The following CNIH3 variants were observed in gnomAD, a reference collection of about 807,000 sequenced individuals.
CNIH3 encodes the protein protein cornichon homolog 3.
A neutral mutation model predicts 24.1 loss-of-function variants in CNIH3; 14 were observed. That is an observed-to-expected ratio of 0.58 (90% CI 0.38 to 0.91). The LOEUF (loss-of-function observed/expected upper bound fraction) is 0.91. CNIH3 is among the 40% of genes least tolerant of loss of function. The probability of loss-of-function intolerance (pLI) is 0.00; values close to 1 mark genes in which losing one functional copy is unlikely to be tolerated. For missense variants in CNIH3, 178 were observed against 196.8 expected, an observed-to-expected ratio of 0.90 and a Z score of 0.57; for synonymous variants, 68 against 73.8, an observed-to-expected ratio of 0.92 and a Z score of 0.40.
chr1:224,551,671 G>C (rs112319499), intron 3 of CNIH3, among the ~76,000 whole-genome samples: 1 of 152,078 alleles, frequency 6.6e-6, no homozygotes, highest in Non-Finnish European at 1.5e-5. Flanking sequence ...ATATCACAGT[G>C]TGTACACCCT....
chr1:224,583,950 CTGGACCA>C (rs1464320438), intron 5 of CNIH3, among the ~76,000 whole-genome samples: 1 of 152,188 alleles, frequency 6.6e-6, no homozygotes, highest in African/African-American at 2.4e-5. Context: ...ATGTGATGTT[CTGGACCA>C]TACCCCACTT....
intron 1 of CNIH3, among the ~76,000 whole-genome samples, chr1:224,479,544 G>A (rs1407456280): frequency 2.6e-5 from 4 of 152,198 alleles, no homozygotes; most frequent in African/African-American, 9.7e-5. Context: ...TTCCACCTAT[G>A]AGCCTGTTAA....
At chr1:224,613,085 CCT>C (rs1180508620), upstream of CNIH3, among the ~76,000 whole-genome samples, 6 of 152,218 alleles carry the variant, frequency 3.9e-5, no homozygotes, top group African/African-American at 1.4e-4. Flanking sequence ...TGTGCCTTGA[CCT>C]CTTGGGCTCA....
intron 3 of CNIH3, among the ~76,000 whole-genome samples, chr1:224,557,612 A>G (rs1270551238): frequency 1.3e-5 from 2 of 152,122 alleles, no homozygotes; most frequent in East Asian, 3.9e-4. Flanking sequence ...ACGTGCCACC[A>G]TGCCCAGCTA....
At chr1:224,658,147 A>G (rs1009477898) in intron 1 of CNIH3, among the ~76,000 whole-genome samples, 2 of 152,182 alleles carry the variant, frequency 1.3e-5, no homozygotes, top group African/African-American at 4.8e-5. Flanking sequence ...GTTTGTGGTC[A>G]AAAAGACTGA....
At chr1:224,449,680 T>C (rs999429634) in intron 1 of CNIH3, among the ~76,000 whole-genome samples, 1 of 152,148 alleles carries the variant, frequency 6.6e-6, no homozygotes, top group Non-Finnish European at 1.5e-5. Context: ...TTATAAAGCA[T>C]GAAACCATTA....
intron 1 of CNIH3, among the ~76,000 whole-genome samples, chr1:224,453,078 G>A (rs1019519284): frequency 6.6e-6 from 1 of 151,492 alleles, no homozygotes. Flanking sequence ...CTGAGATCAC[G>A]CCATTGCACT....
chr1:224,452,240 C>A, intron 1 of CNIH3, among the ~76,000 whole-genome samples: 1 of 151,240 alleles, frequency 6.6e-6, no homozygotes, highest in East Asian at 2.0e-4. Context: ...ACCTTCGCCT[C>A]CCGGGTTCAA....
intron 2 of CNIH3, among the ~76,000 whole-genome samples, chr1:224,535,002 A>G (rs963813610): frequency 6.6e-6 from 1 of 152,160 alleles, no homozygotes; most frequent in Non-Finnish European, 1.5e-5. Flanking sequence ...CTACCGGCCT[A>G]TATTTCCACA....
At chr1:224,689,615 C>T (rs1375239644) in intron 3 of CNIH3, among the ~76,000 whole-genome samples, 1 of 152,150 alleles carries the variant, frequency 6.6e-6, no homozygotes, top group East Asian at 1.9e-4. Flanking sequence ...TAGTTAGCAG[C>T]ACCACCTTCT....
intron 3 of CNIH3, among the ~76,000 whole-genome samples, chr1:224,694,952 G>A (rs759130276): frequency 2.6e-5 from 4 of 152,004 alleles, no homozygotes; most frequent in Non-Finnish European, 5.9e-5. Flanking sequence ...GGTGGGAGGG[G>A]GTGAGGGATA....
rs752705612 is a variant in CNIH3, at chr1:224,734,730, G to T, written c.455+24G>T. ...TGGTGAGTATCTGCCCCTCCTGGTG[G>T]TTTTGACTCCTGCAGCAAAAGGAAG... On this transcript the variant is annotated intron_variant, in intron 5 of 5. Transcript: ENST00000272133. 4 of 1,611,484 alleles carry T rather than the reference G, an allele frequency of 2.5e-6. No homozygotes were observed. The South Asian group carries it at 3.3e-5, about 13-fold the overall frequency.
At chr1:224,599,301 G>A (rs1015242535) in intron 3 of CNIH3, among the ~76,000 whole-genome samples, 6 of 152,160 alleles carry the variant, frequency 3.9e-5, no homozygotes, top group Admixed American at 1.3e-4. Flanking sequence ...CCTCAAATAT[G>A]TGGCATCTTG....
At chr1:224,504,394 T>C (rs1292882914) in intron 1 of CNIH3, among the ~76,000 whole-genome samples, 1 of 152,266 alleles carries the variant, frequency 6.6e-6, no homozygotes, top group Non-Finnish European at 1.5e-5. Flanking sequence ...ATTATTCTTA[T>C]GCAGACTGGC....
At chr1:224,515,136 T>G (rs753981629), upstream of CNIH3, among the ~76,000 whole-genome samples, 2 of 152,346 alleles carry the variant, frequency 1.3e-5, no homozygotes, top group Non-Finnish European at 2.9e-5. Flanking sequence ...TTCCTACTGC[T>G]TCTGGAAGGT....
At chr1:224,435,915 C>T (rs1674640094) in intron 1 of CNIH3, 1 of 152,054 alleles carries the variant, frequency 6.6e-6, no homozygotes, top group Non-Finnish European at 1.5e-5. Flanking sequence ...AAAAAAAACA[C>T]CTTAGTTTCT....
In CNIH3 at chr1:224,740,325, T is replaced by C. The variant is rs1336507240; in HGVS notation, c.*969T>C. On this transcript the variant is annotated 3_prime_UTR_variant, in exon 6 of 6. Transcript: ENST00000272133. ...GGCATTCTCTTTTGGGTGGGAGTTATGCTGGGGGTTGTAAATAATGACAAG... is the reference window on the plus strand; with the variant it reads ...GGCATTCTCTTTTGGGTGGGAGTTACGCTGGGGGTTGTAAATAATGACAAG... 6.6e-6 allele frequency: 1 copy of C among 152,238 alleles called. No homozygotes were observed. Among genetic ancestry groups the C allele is most frequent in the Non-Finnish European group, 1.5e-5 (1 of 68,048 alleles). 9.4% of individuals were successfully genotyped at this position (152,238 alleles called of 1,614,324 possible).
At position 224,703,491 on chromosome 1, in the gene CNIH3, T is replaced by C. The variant is rs1388035677; in HGVS notation, c.198+18648T>C. 1.3e-5 allele frequency among the ~76,000 whole-genome samples: 2 copies of C among 152,192 alleles called. No homozygotes were observed. Among genetic ancestry groups the C allele is most frequent in the African/African-American group, 4.8e-5 (2 of 41,454 alleles). ...CAAAGCTCCCCAAGTGACTCCACTG[T>C]GCAGCTAAGTTGGAAAAATCAGTGC... On this transcript the variant is annotated intron_variant, in intron 3 of 5. Transcript: ENST00000272133. This position sits in a 1 kb window ranked among gnomAD's most constrained non-coding sequence, Gnocchi z 4.2.
intron 1 of CNIH3, among the ~76,000 whole-genome samples, chr1:224,654,136 C>G (rs1183205113): frequency 6.6e-6 from 1 of 151,834 alleles, no homozygotes; most frequent in Non-Finnish European, 1.5e-5. Flanking sequence ...AATCCCAACA[C>G]TTTGGGAGGC....
Sources: gnomAD v4.1 joint callset for allele counts (sites outside exome capture counted in the v4.1 genomes callset) on GRCh38, gnomAD v4.1.1 for gene constraint, Gnocchi (gnomAD v3.1) non-coding constraint, MANE v1.5 for transcripts, NCBI Gene and HGNC (gene_info 2026-07-23, HGNC 2026-07-21) for gene names.